The following CELF2 variants were observed in gnomAD, a reference collection of about 807,000 sequenced individuals.
CELF2 encodes CUGBP Elav-like family member 2.
In CELF2, 8 loss-of-function variants were observed where a neutral mutation model predicts 62.6. The observed-to-expected ratio is 0.13, with a 90% CI of 0.07 to 0.23. CELF2 has a LOEUF of 0.23. Ranked by LOEUF, CELF2 falls within the 10% of genes least tolerant of loss-of-function variation. The pLI, the probability that CELF2 is intolerant of heterozygous loss-of-function variation, is 1.00. For synonymous variants in CELF2, 258 were observed against 250.0 expected, an observed-to-expected ratio of 1.03 and a Z score of -0.30; for missense variants, 333 against 671.0, an observed-to-expected ratio of 0.50 and a Z score of 5.56.
At chr10:11,043,100 G>T (rs1215829286) in intron 1 of CELF2, among the ~76,000 whole-genome samples, 2 of 152,194 alleles carry the variant, frequency 1.3e-5, no homozygotes, top group Non-Finnish European at 2.9e-5. Context: ...GTCTAAAGTG[G>T]CTGCACCATT....
At chr10:10,542,716 G>A in the CELF2 span, among the ~76,000 whole-genome samples, 12 of 152,152 alleles carry the variant, frequency 7.9e-5, no homozygotes, top group Non-Finnish European at 1.6e-4. Context: ...AAAAAATTAG[G>A]GAAGCTGTGA....
At chr10:10,725,123 A>C in the CELF2 span, among the ~76,000 whole-genome samples, 1 of 152,226 alleles carries the variant, frequency 6.6e-6, no homozygotes, top group African/African-American at 2.4e-5. Flanking sequence ...TCTTAGCTCC[A>C]TTATCAACTC....
intron 2 of CELF2, among the ~76,000 whole-genome samples, chr10:10,999,751 T>C (rs891429824): frequency 9.2e-5 from 14 of 152,234 alleles, no homozygotes; most frequent in African/African-American, 2.7e-4. Flanking sequence ...GGAAGGCTGA[T>C]CCACTCCACT....
At chr10:10,975,145 T>C (rs182985562) in intron 2 of CELF2, among the ~76,000 whole-genome samples, 127 of 152,304 alleles carry the variant, frequency 8.3e-4, no homozygotes, top group African/African-American at 2.9e-3. Flanking sequence ...CAAGGCACAG[T>C]CTTGCTCTGT....
At chr10:10,659,446 GTCAAAACTC>G in the CELF2 span, among the ~76,000 whole-genome samples, 9 of 152,232 alleles carry the variant, frequency 5.9e-5, no homozygotes, top group African/African-American at 2.2e-4. Flanking sequence ...TACCTATTCT[GTCAAAACTC>G]TCGAAAGCAA....
At chr10:10,736,396 C>CTTTTTTT in the CELF2 span, among the ~76,000 whole-genome samples, 1 of 76,016 alleles carries the variant, frequency 1.3e-5, no homozygotes, top group African/African-American at 5.0e-5. Flanking sequence ...TTCTTTCTTT[C>CTTTTTTT]TTTTTTTTTT....
rs1277926998 is a variant in CELF2 at position 10,934,849 on chromosome 10, T to A, written c.89+14850T>A. Reference sequence around the variant, plus strand: ...CACACCCAAATGGGTTTTGCAGTTGTCTTATCCTGGTGACATTCCCTGCTA... The same window carrying A: ...CACACCCAAATGGGTTTTGCAGTTGACTTATCCTGGTGACATTCCCTGCTA... On this transcript the variant is annotated intron_variant, in intron 2 of 13. Transcript: ENST00000636488. This position sits in a 1 kb window ranked among gnomAD's most constrained non-coding sequence, Gnocchi z 4.4. The A allele has an allele frequency of 6.6e-6, 1 of 152,222 alleles. No individual in the cohort carries two copies. Among genetic ancestry groups the A allele is most frequent in the South Asian group, 2.1e-4 (1 of 4,820 alleles). 9.4% of individuals were successfully genotyped at this position (152,222 alleles called of 1,614,324 possible).
intron 1 of CELF2, among the ~76,000 whole-genome samples, chr10:10,837,164 C>T (rs966348792): frequency 8.5e-5 from 13 of 152,290 alleles, no homozygotes; most frequent in African/African-American, 2.6e-4. Context: ...CATTCCCACA[C>T]GTTGTGGGAG....
In CELF2 at chr10:11,242,687, A is replaced by G. The variant is rs2074328349; in HGVS notation, c.355-6466A>G. Among the ~76,000 whole-genome samples the G allele has an allele frequency of 6.6e-6, 1 of 152,206 alleles. No homozygotes were observed. The stretch of plus-strand genomic sequence containing the variant: ...GAGTCACAGCTGGGGCCTTGTGGGA[A>G]GAATCGAAGGTCAGCTTACTCAGGA... On this transcript the variant is annotated intron_variant, in intron 3 of 12. Coordinates refer to ENST00000633077, the MANE Select transcript of CELF2 (RefSeq NM_001326342.2). The surrounding 1 kb of genome is among the most constrained non-coding windows in gnomAD (Gnocchi z 4.8).
intron 1 of CELF2, among the ~76,000 whole-genome samples, chr10:10,800,444 C>T (rs1288467608): frequency 6.6e-6 from 1 of 152,090 alleles, no homozygotes; most frequent in Non-Finnish European, 1.5e-5. Context: ...CTCCACCTCC[C>T]GGGTTCAAGC....
At chr10:10,492,290 G>A in the CELF2 span, among the ~76,000 whole-genome samples, 2 of 152,082 alleles carry the variant, frequency 1.3e-5, no homozygotes, top group African/African-American at 2.4e-5. Context: ...CTCAGAGCAG[G>A]AAATGAGTTC....
chr10:10,547,148 A>G, the CELF2 span, among the ~76,000 whole-genome samples: 1 of 152,134 alleles, frequency 6.6e-6, no homozygotes, highest in Non-Finnish European at 1.5e-5. Flanking sequence ...AATAAAAATG[A>G]TTGTGTAGGG....
rs931666185 is a variant in CELF2 at position 11,110,470 on chromosome 10, G to C, written c.75-55016G>C. Among the ~76,000 whole-genome samples the C allele has an allele frequency of 2.6e-5, 4 of 152,182 alleles. No homozygotes were observed. The highest frequency in any genetic ancestry group is 4.4e-5 in the Non-Finnish European group (3 of 68,030). ...CTCCTACTACCTAAGTCGGGACAAA[G>C]CTTCTGCTTATTTTTCTGCTTCGTC... is the stretch of plus-strand genomic sequence containing the variant. On this transcript the variant is annotated intron_variant, in intron 1 of 12. Coordinates refer to ENST00000633077, the MANE Select transcript of CELF2 (RefSeq NM_001326342.2). This position sits in a 1 kb window ranked among gnomAD's most constrained non-coding sequence, Gnocchi z 4.0.
At position 11,217,567 on chromosome 10, in the gene CELF2, T is replaced by TA; in HGVS notation, c.354+60_354+61insA. On this transcript the variant is annotated intron_variant, in intron 3 of 12. Coordinates refer to ENST00000633077, the MANE Select transcript of CELF2 (RefSeq NM_001326342.2). The surrounding 1 kb of genome is among the most constrained non-coding windows in gnomAD (Gnocchi z 5.6). ...ATTGCTTGAAAATGGTCCTTTCAAC[T>TA]GAAGGTTCTAGTTATGGGCTCTTAG... 7.6e-7 allele frequency: 1 copy of TA among 1,315,552 alleles called. No homozygotes were observed. Among genetic ancestry groups the TA allele is most frequent in the Non-Finnish European group, 1.1e-6 (1 of 919,238 alleles). The allele number at this position is 1,315,552 out of a possible 1,614,324, so 81.5% of individuals were successfully genotyped here. A position where few individuals can be genotyped will look rare whatever the true frequency, so the allele number is the denominator to read the frequency against.
At chr10:10,656,719 G>T in the CELF2 span, among the ~76,000 whole-genome samples, 1 of 94,122 alleles carries the variant, frequency 1.1e-5, no homozygotes, top group Non-Finnish European at 2.1e-5. Context: ...TGGGGACTGT[G>T]GTGGGGTCGG....
At chr10:10,976,088 G>C (rs1401415164) in intron 2 of CELF2, among the ~76,000 whole-genome samples, 1 of 152,210 alleles carries the variant, frequency 6.6e-6, no homozygotes, top group Non-Finnish European at 1.5e-5. Flanking sequence ...GTGCTGGTGG[G>C]AGTGTCTTAT....
the CELF2 span, among the ~76,000 whole-genome samples, chr10:10,695,835 C>T: frequency 2.0e-5 from 3 of 151,790 alleles, no homozygotes; most frequent in Non-Finnish European, 2.9e-5. Context: ...ACGTAGTTCT[C>T]GAGCCTTGGT....
chr10:10,521,536 T>C, the CELF2 span, among the ~76,000 whole-genome samples: 2 of 152,222 alleles, frequency 1.3e-5, no homozygotes, highest in Non-Finnish European at 2.9e-5. Flanking sequence ...TTTTAATGCA[T>C]TTTTAATTTA....
At chr10:10,791,307 C>A in the CELF2 span, among the ~76,000 whole-genome samples, 2 of 146,762 alleles carry the variant, frequency 1.4e-5, no homozygotes, top group Non-Finnish European at 3.0e-5. Context: ...GTTTTCCTCT[C>A]TTTAATGTGG....
Sources: gnomAD v4.1 joint callset for allele counts (sites outside exome capture counted in the v4.1 genomes callset) on GRCh38, gnomAD v4.1.1 for gene constraint, Gnocchi (gnomAD v3.1) non-coding constraint, MANE v1.5 for transcripts, NCBI Gene and HGNC (gene_info 2026-07-23, HGNC 2026-07-21) for gene names.